The following VPS13D variants were observed in gnomAD, a reference collection of about 807,000 sequenced individuals.
The protein encoded by VPS13D is intermembrane lipid transfer protein VPS13D.
VPS13D carries 187 observed loss-of-function variants against 461.9 expected under a neutral mutation model. The observed-to-expected ratio is 0.40, with a 90% CI of 0.36 to 0.46. VPS13D has a LOEUF of 0.46. Among genes scored for constraint, VPS13D ranks in the 20% least tolerant of loss-of-function variants. The pLI, the probability that VPS13D is intolerant of heterozygous loss-of-function variation, is 0.60. For missense variants in VPS13D, 4,711 were observed against 5,364.9 expected, an observed-to-expected ratio of 0.88 and a Z score of 3.81; for synonymous variants, 1,951 against 1,986.3, an observed-to-expected ratio of 0.98 and a Z score of 0.47.
At position 12,275,781 on chromosome 1, in the gene VPS13D, G is replaced by C. The variant is rs773251923; in HGVS notation, c.2237-44G>C. 2.0e-6 allele frequency: 3 copies of C among 1,515,424 alleles called. No homozygotes were observed. The Admixed American group carries it at 6.8e-5, about 34-fold the overall frequency. The allele number at this position is 1,515,424 out of a possible 1,614,324, so 93.9% of individuals were successfully genotyped here. A position where few individuals can be genotyped will look rare whatever the true frequency, so the allele number is the denominator to read the frequency against. ...TTATTACATTAAGGGAAAGAGGAGG[G>C]AAATAGCAGACATATATTTGAATCT... is the stretch of plus-strand genomic sequence containing the variant. On this transcript the variant is annotated intron_variant, in intron 18 of 69. Transcript: ENST00000620676.
intron 18 of VPS13D, among the ~76,000 whole-genome samples, chr1:12,275,312 G>A (rs1420364642): frequency 1.3e-5 from 2 of 152,138 alleles, no homozygotes; most frequent in Non-Finnish European, 2.9e-5. Context: ...CTGCTTGGGA[G>A]GCCGAGACAG....
chr1:12,417,710 A>G (rs903641790), intron 65 of VPS13D, among the ~76,000 whole-genome samples: 3 of 152,176 alleles, frequency 2.0e-5, no homozygotes, highest in Admixed American at 1.3e-4. Context: ...GAGGTAAGAG[A>G]GTCGAGTTGA....
chr1:12,311,516 C>G lies in VPS13D; in HGVS notation c.6713C>G (p.Ser2238Cys), dbSNP rs1420079194. ...IHGNLSSVHCSLDLYKYKLIR... is the reference protein window; with the variant it reads ...IHGNLSSVHCCLDLYKYKLIR... ...GGCAATCTCTCCTCAGTCCACTGCTCTCTGGATCTGTATAAATACAAGCTG... is the reference window on the plus strand; with the variant it reads ...GGCAATCTCTCCTCAGTCCACTGCTGTCTGGATCTGTATAAATACAAGCTG... Residue 2238 changes from serine (S) to cysteine (C), a missense_variant, in exon 28 of 70, where the codon TCT becomes TGT. Ser to Cys is a moderately radical substitution (Grantham distance 112, BLOSUM62 -1). Around this residue, in one of 3 missense-constraint regions of VPS13D, gnomAD observed 4,411 missense variants for 4,937.8 expected, o/e 0.89. Transcript: ENST00000620676. The G allele has an allele frequency of 1.2e-6, 2 of 1,614,018 alleles. No homozygotes were observed. Among genetic ancestry groups the G allele is most frequent in the Non-Finnish European group, 8.5e-7 (1 of 1,180,018 alleles).
At position 12,341,840 on chromosome 1, in the gene VPS13D, C is replaced by T. The variant is rs367962618; in HGVS notation, c.8687C>T (p.Thr2896Met). ...GTCCCCTTTGCTCTGAGGAACCACA[C>T]GGGGTGCACTTTGTGGTTTGCCACC... Reference protein sequence around the residue: ...PFVPFALRNHTGCTLWFATLT... With the variant: ...PFVPFALRNHMGCTLWFATLT... Residue 2896 changes from threonine to methionine, a missense_variant, in exon 41 of 70, where the codon ACG becomes ATG. This residue lies in a region of VPS13D where 4,411 missense variants were observed against 4,937.8 expected (regional missense o/e 0.89). Transcript: ENST00000620676. The T allele has an allele frequency of 2.5e-5, 40 of 1,613,938 alleles. No individual in the cohort carries two copies. The highest frequency in any genetic ancestry group is 3.3e-5 in the Non-Finnish European group (39 of 1,179,984).
In VPS13D at chr1:12,311,840, T is replaced by A; in HGVS notation, c.6850T>A (p.Cys2284Ser). Residue 2284 changes from cysteine to serine, a missense_variant, in exon 29 of 70, where the codon TGT (cysteine) becomes AGT (serine). Cys to Ser is a moderately radical substitution (Grantham distance 112). This residue lies in a region of VPS13D where 4,411 missense variants were observed against 4,937.8 expected (regional missense o/e 0.89). Transcript: ENST00000620676. ...TGTCCTGAGTGGAGAAGTGTACACC[T>A]GTATGTGCTTCCTCATTGATATGGT... Reference protein sequence around the residue: ...HTVLSGEVYTCMCFLIDMVNV... With the variant: ...HTVLSGEVYTSMCFLIDMVNV... The A allele has an allele frequency of 6.2e-7, 1 of 1,614,184 alleles. No homozygotes were observed. The highest frequency in any genetic ancestry group is 1.1e-5 in the South Asian group (1 of 91,088).
chr1:12,268,594 A>C, intron 15 of VPS13D, 112 bp from the exon 16 acceptor site: 2 of 1,221,262 alleles, frequency 1.6e-6, no homozygotes, highest in African/African-American at 1.5e-5. Flanking sequence ...AATGTGAACT[A>C]ATTGAAAAAT....
At chr1:12,359,361 C>T (rs983343351) in intron 50 of VPS13D, among the ~76,000 whole-genome samples, 10 of 151,930 alleles carry the variant, frequency 6.6e-5, no homozygotes, top group African/African-American at 2.4e-4. Flanking sequence ...CTGCATGGTC[C>T]TGTAGAACTT....
At chr1:12,339,451 C>A (rs980915275) in intron 40 of VPS13D, among the ~76,000 whole-genome samples, 2 of 152,168 alleles carry the variant, frequency 1.3e-5, no homozygotes, top group Non-Finnish European at 2.9e-5. Context: ...GAAACAAGTC[C>A]GAAGGGGTAG....
intron 30 of VPS13D, among the ~76,000 whole-genome samples, chr1:12,315,889 TC>T (rs1642874705): frequency 6.6e-6 from 1 of 152,116 alleles, no homozygotes; most frequent in South Asian, 2.1e-4. Flanking sequence ...CGATCTCAGC[TC>T]ACTGCAACCT....
chr1:12,484,953 T>A (rs1400251359), intron 67 of VPS13D, among the ~76,000 whole-genome samples: 2 of 152,052 alleles, frequency 1.3e-5, no homozygotes, highest in Admixed American at 6.6e-5. Flanking sequence ...GGAATATGAG[T>A]GCATGTGCAC....
intron 65 of VPS13D, among the ~76,000 whole-genome samples, chr1:12,432,582 A>G (rs1392536059): frequency 6.8e-6 from 1 of 147,510 alleles, no homozygotes; most frequent in Non-Finnish European, 1.5e-5. Flanking sequence ...TTTGATCTGA[A>G]CCCCTTTCCT....
In VPS13D at chr1:12,270,380, G is replaced by A. The variant is rs1641402253; in HGVS notation, c.1973-614G>A. Among the ~76,000 whole-genome samples, 3 of 152,204 alleles carry A rather than the reference G, an allele frequency of 2.0e-5. 1 individual carries two copies. In the South Asian group the frequency reaches 6.2e-4, roughly 32 times the overall value. On this transcript the variant is annotated intron_variant, in intron 16 of 69. Transcript: ENST00000620676. The stretch of plus-strand genomic sequence containing the variant: ...GCAGGAGACTCGCTTGAACCTGGGA[G>A]GCGGAGGCTGCAGTGAGCCAAGATC...
intron 52 of VPS13D, among the ~76,000 whole-genome samples, chr1:12,363,563 T>A (rs2101616817): frequency 6.6e-6 from 1 of 152,322 alleles, no homozygotes; most frequent in South Asian, 2.1e-4. Context: ...TTTTGTATAT[T>A]CTGACATATT....
At chr1:12,496,142 A>T (rs1645954490) in intron 67 of VPS13D, among the ~76,000 whole-genome samples, 1 of 152,232 alleles carries the variant, frequency 6.6e-6, no homozygotes, top group Non-Finnish European at 1.5e-5. Flanking sequence ...CCCTTAGTGC[A>T]GATCATTGAA....
intron 55 of VPS13D, among the ~76,000 whole-genome samples, chr1:12,374,270 A>C (rs1644167195): frequency 6.6e-6 from 1 of 152,256 alleles, no homozygotes; most frequent in Non-Finnish European, 1.5e-5. Flanking sequence ...AAAGAGTTAC[A>C]TTGACATTGA....
At chr1:12,253,913 C>A in intron 7 of VPS13D, 87 bp downstream of exon 7, 1 of 1,011,682 alleles carries the variant, frequency 9.9e-7, no homozygotes, top group South Asian at 1.4e-5. Flanking sequence ...TTGTCTCTTG[C>A]CTCTCTGATT....
chr1:12,242,448 A>G lies in VPS13D; in HGVS notation c.98-65A>G, dbSNP rs373678904. On this transcript the variant is annotated intron_variant, in intron 2 of 69. Transcript: ENST00000620676. ...CTTTCCCTTTAACCTTCAATGCTTT[A>G]CACACAGTAGGTGGCCTACTGTATT... 2.0e-5 allele frequency: 28 copies of G among 1,427,622 alleles called. No homozygotes were observed. The African/African-American group carries it at 3.1e-4, about 16-fold the overall frequency. 88.4% of individuals were successfully genotyped at this position (1,427,622 alleles called of 1,614,324 possible).
chr1:12,376,388 G>T (rs1302287893), intron 55 of VPS13D, among the ~76,000 whole-genome samples: 3 of 152,184 alleles, frequency 2.0e-5, no homozygotes, highest in East Asian at 3.8e-4. Flanking sequence ...TTGCTGGAAG[G>T]ATTAGCTAAG....
At chr1:12,456,721 T>G (rs979257428) in intron 66 of VPS13D, among the ~76,000 whole-genome samples, 1 of 152,168 alleles carries the variant, frequency 6.6e-6, no homozygotes, top group Non-Finnish European at 1.5e-5. Flanking sequence ...CCAAGCTCTC[T>G]TACTTTATCC....
Sources: allele counts gnomAD v4.1 joint callset (sites outside exome capture counted in the v4.1 genomes callset), GRCh38; gene constraint gnomAD v4.1.1; regional missense constraint gnomAD v4.1.1; transcripts MANE v1.5; gene names NCBI Gene and HGNC (gene_info 2026-07-23, HGNC 2026-07-21).